Variants in GALNT18 observed in about 807,000 individuals in gnomAD.
GALNT18 encodes GalNAc-transferase 18.
Under a neutral mutation model 69.5 loss-of-function variants are expected in GALNT18, and 44 were observed. That is an observed-to-expected ratio of 0.63 (90% CI 0.50 to 0.81). The LOEUF is 0.81. Ranked by LOEUF, GALNT18 falls within the 40% of genes least tolerant of loss-of-function variation. The pLI, the probability that GALNT18 is intolerant of heterozygous loss-of-function variation, is 0.00. For missense variants in GALNT18, 715 were observed against 810.0 expected, an observed-to-expected ratio of 0.88 and a Z score of 1.42; for synonymous variants, 364 against 318.2, an observed-to-expected ratio of 1.14 and a Z score of -1.53.
At chr11:11,544,625 C>T (rs2133960548) in intron 1 of GALNT18, among the ~76,000 whole-genome samples, 1 of 152,278 alleles carries the variant, frequency 6.6e-6, no homozygotes, top group South Asian at 2.1e-4. Flanking sequence ...ATACCTGTGC[C>T]ATGGTGGTTG....
intron 9 of GALNT18, among the ~76,000 whole-genome samples, chr11:11,298,505 G>A (rs969607174): frequency 1.3e-5 from 2 of 152,294 alleles, no homozygotes; most frequent in South Asian, 2.1e-4. Context: ...GGCTCTCCTC[G>A]GCTGCACTGA....
At chr11:11,478,700 G>T (rs1856455397) in intron 1 of GALNT18, among the ~76,000 whole-genome samples, 1 of 152,190 alleles carries the variant, frequency 6.6e-6, no homozygotes, top group Non-Finnish European at 1.5e-5. Context: ...TCTGGGGTTG[G>T]CCTGTTTGAC....
At chr11:11,352,652 A>G in intron 6 of GALNT18, 2 of 1,614,178 alleles carry the variant, frequency 1.2e-6, no homozygotes, top group Middle Eastern at 1.6e-4. Flanking sequence ...GGGGCTTGAC[A>G]TCTCTGTGCA....
At chr11:11,298,676 G>T (rs934484094) in intron 9 of GALNT18, among the ~76,000 whole-genome samples, 4 of 152,222 alleles carry the variant, frequency 2.6e-5, no homozygotes, top group Non-Finnish European at 5.9e-5. Flanking sequence ...TCCAAGAAGG[G>T]GTCTCAGGGG....
intron 1 of GALNT18, among the ~76,000 whole-genome samples, chr11:11,457,093 C>T (rs761990021): frequency 3.3e-5 from 5 of 152,226 alleles, no homozygotes; most frequent in Middle Eastern, 3.2e-3. Context: ...GCTCCTGAAG[C>T]CAGTGATGCT....
rs143374046 is a variant in GALNT18, at chr11:11,470,345, G to A, written c.236-21409C>T. 1.8e-3 allele frequency among the ~76,000 whole-genome samples: 267 copies of A among 152,268 alleles called. No individual in the cohort carries two copies. Among genetic ancestry groups the A allele is most frequent in the African/African-American group, 6.1e-3 (255 of 41,534 alleles). ...TGTGCAGGCATGGAGGAAATTGTACGGTCATGCCCTACATTCATATCTTGA... is the reference window on the plus strand; with the variant it reads ...TGTGCAGGCATGGAGGAAATTGTACAGTCATGCCCTACATTCATATCTTGA... On this transcript the variant is annotated intron_variant, in intron 1 of 10. Transcript: ENST00000227756. The surrounding 1 kb of genome is among the most constrained non-coding windows in gnomAD (Gnocchi z 4.8).
intron 1 of GALNT18, among the ~76,000 whole-genome samples, chr11:11,522,779 T>C (rs1387139335): frequency 6.6e-6 from 1 of 152,108 alleles, no homozygotes; most frequent in Non-Finnish European, 1.5e-5. Flanking sequence ...CAAAGACACT[T>C]GTCACGCAGC....
intron 10 of GALNT18, among the ~76,000 whole-genome samples, chr11:11,277,884 G>A (rs565385230): frequency 6.6e-5 from 10 of 152,238 alleles, no homozygotes; most frequent in Middle Eastern, 3.4e-3. Flanking sequence ...TATGATTTCC[G>A]TTCTTTTGCA....
chr11:11,561,459 T>C (rs1327490210), intron 1 of GALNT18, among the ~76,000 whole-genome samples: 2 of 152,208 alleles, frequency 1.3e-5, no homozygotes, highest in Non-Finnish European at 2.9e-5. Flanking sequence ...TTAAGCATTG[T>C]GACACTCAGT....
At chr11:11,284,616 T>C (rs72859272) in intron 10 of GALNT18, among the ~76,000 whole-genome samples, 107 of 152,368 alleles carry the variant, frequency 7.0e-4, no homozygotes, top group Non-Finnish European at 1.3e-3. Context: ...GTGTGTGTAC[T>C]AGCTCGTGTA....
intron 1 of GALNT18, among the ~76,000 whole-genome samples, chr11:11,553,180 T>G (rs1024876128): frequency 6.6e-6 from 1 of 152,148 alleles, no homozygotes; most frequent in Admixed American, 6.5e-5. Context: ...CGACCTACTC[T>G]CAAGTTCGAG....
intron 1 of GALNT18, among the ~76,000 whole-genome samples, chr11:11,560,036 AGGATGGGATG>A (rs774764493): frequency 7.0e-6 from 1 of 143,536 alleles, no homozygotes; most frequent in Non-Finnish European, 1.5e-5. Context: ...GGGATAGGAT[AGGATGGGATG>A]GGATGGGATA....
intron 1 of GALNT18, among the ~76,000 whole-genome samples, chr11:11,501,124 T>C (rs1856964944): frequency 6.6e-6 from 1 of 152,258 alleles, no homozygotes; most frequent in African/African-American, 2.4e-5. Context: ...GTGTGCCATT[T>C]TCCCCAGACT....
At chr11:11,369,831 TAAG>T (rs1386237503) in intron 6 of GALNT18, among the ~76,000 whole-genome samples, 5 of 152,180 alleles carry the variant, frequency 3.3e-5, no homozygotes, top group Non-Finnish European at 7.4e-5. Flanking sequence ...GAGCATGAAA[TAAG>T]AAGAAGGCTT....
Position 11,396,378 on chromosome 11 carries a change from T to TG in GALNT18, c.596-17115dup, listed in dbSNP as rs1278327531. Among the ~76,000 whole-genome samples, 5 of 151,794 alleles carry TG rather than the reference T, an allele frequency of 3.3e-5. No homozygotes were observed. Among genetic ancestry groups the TG allele is most frequent in the Admixed American group, 2.6e-4 (4 of 15,226 alleles). ...AGAGATTAAATGATGTCATCAGCAGTGGGGGGAGGAGAAACGCATGAAATG... is the reference window on the plus strand; with the variant it reads ...AGAGATTAAATGATGTCATCAGCAGTGGGGGGGAGGAGAAACGCATGAAATG... On this transcript the variant is annotated intron_variant, in intron 3 of 10. Transcript: ENST00000227756. The surrounding 1 kb of genome is among the most constrained non-coding windows in gnomAD (Gnocchi z 5.2).
At chr11:11,518,028 G>A (rs534535653) in intron 1 of GALNT18, among the ~76,000 whole-genome samples, 16 of 152,324 alleles carry the variant, frequency 1.1e-4, no homozygotes, top group Middle Eastern at 3.4e-3. Context: ...CTGTCCCAAA[G>A]GTAGAGCTGT....
intron 1 of GALNT18, among the ~76,000 whole-genome samples, chr11:11,544,079 A>C (rs1157057417): frequency 6.6e-6 from 1 of 152,230 alleles, no homozygotes; most frequent in African/African-American, 2.4e-5. Context: ...CTCTAGAGGC[A>C]AGAAACCAAT....
intron 1 of GALNT18, among the ~76,000 whole-genome samples, chr11:11,482,620 C>T (rs1159059050): frequency 6.6e-6 from 1 of 152,230 alleles, no homozygotes; most frequent in Non-Finnish European, 1.5e-5. Context: ...CTGTCTTCCT[C>T]TTGGAGGCCC....
chr11:11,345,116 G>C (rs955682222), intron 6 of GALNT18, among the ~76,000 whole-genome samples: 6 of 152,144 alleles, frequency 3.9e-5, no homozygotes, highest in Non-Finnish European at 1.5e-5. Context: ...GGTACACAAC[G>C]CTCCCTTCTC....
Sources: gnomAD v4.1 joint callset for allele counts (sites outside exome capture counted in the v4.1 genomes callset) on GRCh38, gnomAD v4.1.1 for gene constraint, Gnocchi (gnomAD v3.1) non-coding constraint, MANE v1.5 for transcripts, NCBI Gene and HGNC (gene_info 2026-07-23, HGNC 2026-07-21) for gene names.